Variants in GSN observed in about 807,000 individuals in gnomAD.
GSN encodes the protein actin-depolymerizing factor.
Under a neutral mutation model 85.7 loss-of-function variants are expected in GSN, and 56 were observed. The ratio of observed to expected loss-of-function variants is 0.65; its 90% CI spans 0.53 to 0.82. The LOEUF is 0.82. Ranked by LOEUF, GSN falls within the 40% of genes least tolerant of loss-of-function variation. GSN has a pLI of 0.00. For synonymous variants in GSN, 373 were observed against 399.1 expected, an observed-to-expected ratio of 0.93 and a Z score of 0.78; for missense variants, 857 against 979.8, an observed-to-expected ratio of 0.87 and a Z score of 1.67.
the GSN span, among the ~76,000 whole-genome samples, chr9:121,202,689 A>G: frequency 3.9e-5 from 6 of 152,224 alleles, no homozygotes; most frequent in Non-Finnish European, 7.3e-5. Context: ...ACACACACAT[A>G]TATTTCACAC....
chr9:121,310,950 A>T, intron 5 of GSN, 105 bp downstream of exon 5: 1 of 957,436 alleles, frequency 1.0e-6, no homozygotes, highest in Non-Finnish European at 1.7e-6. Context: ...AGGTGGGCAA[A>T]CCACAGGGAC....
At chr9:121,301,186 T>C (rs1184777859) in intron 2 of GSN, among the ~76,000 whole-genome samples, 2 of 152,154 alleles carry the variant, frequency 1.3e-5, no homozygotes, top group Non-Finnish European at 2.9e-5. Flanking sequence ...AGATTTACTA[T>C]TGCCATCTGA....
chr9:121,202,490 T>C, the GSN span, among the ~76,000 whole-genome samples: 1 of 152,164 alleles, frequency 6.6e-6, no homozygotes, highest in African/African-American at 2.4e-5. Context: ...CTATTTTGAC[T>C]TCACTTTGGG....
intron 6 of GSN, among the ~76,000 whole-genome samples, chr9:121,255,626 A>G (rs2054939090): frequency 6.6e-6 from 1 of 152,104 alleles, no homozygotes; most frequent in South Asian, 2.1e-4. Context: ...GAATGCCCCC[A>G]TTTTACTACA....
At chr9:121,202,096 G>A in the GSN span, among the ~76,000 whole-genome samples, 12 of 152,330 alleles carry the variant, frequency 7.9e-5, no homozygotes, top group African/African-American at 1.7e-4. Context: ...GCGCGTATGC[G>A]CAAGCGCAGT....
chr9:121,267,178 C>T (rs562769667), upstream of GSN, among the ~76,000 whole-genome samples: 1 of 152,294 alleles, frequency 6.6e-6, no homozygotes, highest in South Asian at 2.1e-4. Context: ...CTCCAAAAGT[C>T]CTGGGAACTC....
At position 121,302,047 on chromosome 9, in the gene GSN, G is replaced by C. The variant is rs752677417; in HGVS notation, c.76G>C (p.Asp26His). The C allele has an allele frequency of 2.5e-6, 4 of 1,614,116 alleles. No homozygotes were observed. In the African/African-American group the frequency reaches 4.0e-5, roughly 16 times the overall value. The part of the protein sequence containing the change: ...GLQIWRVEKF[D>H]LVPVPTNLYG... ...GCAGATCTGGCGTGTGGAGAAGTTC[G>C]ATCTGGTGCCCGTGCCCACCAACCT... The change falls in exon 3 of 18, where the codon GAT becomes CAT. Residue 26 changes from aspartate (D) to histidine (H), a missense_variant. Coordinates refer to ENST00000432226, the MANE Select transcript of GSN (RefSeq NM_198252.3).
At chr9:121,331,719 G>C (rs1560980) in intron 17 of GSN, 12,774 of 388,308 alleles carry the variant, frequency 0.033, 285 homozygotes, top group Middle Eastern at 0.058. Flanking sequence ...GTCACTTCAA[G>C]TTCCCAGAAT....
chr9:121,213,768 C>A (rs1473024463), intron 4 of GSN, among the ~76,000 whole-genome samples: 1 of 152,188 alleles, frequency 6.6e-6, no homozygotes, highest in African/African-American at 2.4e-5. Context: ...CACTGAGGCT[C>A]AGGCTAGACC....
intron 2 of GSN, chr9:121,282,589 C>A: frequency 9.2e-7 from 1 of 1,085,454 alleles, no homozygotes; most frequent in Non-Finnish European, 1.2e-6. Flanking sequence ...ATGTTGTGCC[C>A]CAAAAGCCAG....
At chr9:121,267,477 G>T (rs899284990), upstream of GSN, among the ~76,000 whole-genome samples, 1 of 152,156 alleles carries the variant, frequency 6.6e-6, no homozygotes, top group African/African-American at 2.4e-5. Flanking sequence ...CCATGAAGCG[G>T]CAATTCAGGA....
upstream of GSN, among the ~76,000 whole-genome samples, chr9:121,207,486 T>C (rs1270799555): frequency 6.6e-6 from 1 of 152,196 alleles, no homozygotes; most frequent in Non-Finnish European, 1.5e-5. Context: ...ACACTATCTC[T>C]ATCCTCCAAG....
At chr9:121,317,524 G>A (rs939977889) in intron 8 of GSN, 1 of 391,214 alleles carries the variant, frequency 2.6e-6, no homozygotes, top group Non-Finnish European at 4.9e-6. Flanking sequence ...ACATCTAACT[G>A]TATGGTCAGA....
chr9:121,287,262 C>G (rs747191808), intron 2 of GSN, among the ~76,000 whole-genome samples: 1 of 152,008 alleles, frequency 6.6e-6, no homozygotes, highest in East Asian at 1.9e-4. Flanking sequence ...GGGAGGGAGG[C>G]GGAGGGAATG....
intron 13 of GSN, 84 bp downstream of exon 13, chr9:121,326,766 C>A: frequency 8.4e-7 from 1 of 1,192,684 alleles, no homozygotes; most frequent in Non-Finnish European, 1.3e-6. Flanking sequence ...GGCACAGGAA[C>A]GGGGGCAGGG....
intron 11 of GSN, among the ~76,000 whole-genome samples, chr9:121,321,618 A>T (rs2062463933): frequency 6.6e-6 from 1 of 152,222 alleles, no homozygotes; most frequent in South Asian, 2.1e-4. Context: ...GATATAGTGA[A>T]TGTGGAGAAA....
intron 2 of GSN, chr9:121,283,219 T>A (rs2057621322): frequency 6.0e-6 from 1 of 167,036 alleles, no homozygotes; most frequent in South Asian, 2.1e-4. Flanking sequence ...GCCCCTCCTC[T>A]CTTTTTAGTT....
At chr9:121,323,835 C>G (rs1183117184) in intron 11 of GSN, among the ~76,000 whole-genome samples, 1 of 152,038 alleles carries the variant, frequency 6.6e-6, no homozygotes, top group East Asian at 1.9e-4. Flanking sequence ...TGTAGAATGT[C>G]TCTCAATTTG....
At chr9:121,212,898 C>T (rs1021128031) in intron 4 of GSN, among the ~76,000 whole-genome samples, 2 of 152,084 alleles carry the variant, frequency 1.3e-5, no homozygotes, top group African/African-American at 4.8e-5. Flanking sequence ...ATCCACCCAC[C>T]TCGGCCTCCC....
Sources: gnomAD v4.1 joint callset for allele counts (sites outside exome capture counted in the v4.1 genomes callset) on GRCh38, gnomAD v4.1.1 for gene constraint, MANE v1.5 for transcripts, NCBI Gene and HGNC (gene_info 2026-07-23, HGNC 2026-07-21) for gene names.